CD48: variants seen among roughly 807,000 people sequenced by gnomAD.
CD48 encodes CD48 molecule.
In CD48, 20 loss-of-function variants were observed where a neutral mutation model predicts 22.0. The ratio of observed to expected loss-of-function variants is 0.91; its 90% CI spans 0.64 to 1.32. The LOEUF is 1.32. CD48 is among the 40% of genes most tolerant of loss of function. The pLI is 0.00. For missense variants in CD48, 307 were observed against 286.5 expected (o/e 1.07, Z -0.52); for synonymous variants, 110 against 110.1 (o/e 1.00, Z 0.01).
intron 1 of CD48, among the ~76,000 whole-genome samples, chr1:160,701,785 C>T (rs367632405): frequency 6.6e-6 from 1 of 152,146 alleles, no homozygotes; most frequent in African/African-American, 2.4e-5. Flanking sequence ...GCCTTTCCAA[C>T]ACCTACTAGT....
intron 1 of CD48, among the ~76,000 whole-genome samples, chr1:160,689,196 C>T (rs1174271856): frequency 2.0e-5 from 3 of 152,066 alleles, no homozygotes; most frequent in African/African-American, 4.8e-5. Flanking sequence ...GGTGCATGTC[C>T]GAGGCACAGA....
intron 1 of CD48, among the ~76,000 whole-genome samples, chr1:160,700,523 G>A (rs1403476622): frequency 6.6e-6 from 1 of 152,114 alleles, no homozygotes; most frequent in Non-Finnish European, 1.5e-5. Context: ...AGTCCAGTAG[G>A]GGAGTGTAAT....
At chr1:160,700,444 A>G (rs1165429944) in intron 1 of CD48, among the ~76,000 whole-genome samples, 3 of 152,170 alleles carry the variant, frequency 2.0e-5, no homozygotes, top group Non-Finnish European at 2.9e-5. Context: ...GTCTAGATAA[A>G]CAGACAAAGT....
At chr1:160,697,867 T>C (rs558648) in intron 1 of CD48, among the ~76,000 whole-genome samples, 110,781 of 145,316 alleles carry the variant, frequency 0.76, 42,196 homozygotes, top group Admixed American at 0.83. Flanking sequence ...GTCCAGCTGT[T>C]GATAGCGACT....
chr1:160,681,035 G>GTGGTGGTAGAGC, intron 3 of CD48, 167 bp downstream of exon 3: 1 of 1,481,850 alleles, frequency 6.7e-7, no homozygotes, highest in Non-Finnish European at 9.0e-7. Context: ...TGGCTGGGAG[G>GTGGTGGTAGAGC]TGGTGGTAGA....
At chr1:160,701,089 A>T (rs1662614294) in intron 1 of CD48, among the ~76,000 whole-genome samples, 1 of 152,016 alleles carries the variant, frequency 6.6e-6, no homozygotes, top group South Asian at 2.1e-4. Flanking sequence ...AGTACTTTCC[A>T]TTGATAATGA....
chr1:160,709,758 GT>G (rs1245485632), intron 1 of CD48, among the ~76,000 whole-genome samples: 2 of 152,186 alleles, frequency 1.3e-5, no homozygotes, highest in Non-Finnish European at 2.9e-5. Flanking sequence ...CCAAAAGGAA[GT>G]TTTTTGAAGT....
intron 1 of CD48, among the ~76,000 whole-genome samples, chr1:160,692,465 T>A (rs923568230): frequency 1.7e-4 from 26 of 152,106 alleles, no homozygotes; most frequent in African/African-American, 5.8e-4. Context: ...ACCGTAACAT[T>A]ACAACCTCAA....
chr1:160,690,553 C>T (rs1007728132), intron 1 of CD48, among the ~76,000 whole-genome samples: 6 of 152,144 alleles, frequency 3.9e-5, no homozygotes, highest in East Asian at 1.9e-4. Flanking sequence ...AACTCCTGAG[C>T]TTCTTGGGTC....
chr1:160,705,992 G>C (rs116115305), intron 1 of CD48, among the ~76,000 whole-genome samples: 5,318 of 152,202 alleles, frequency 0.035, 127 homozygotes, highest in African/African-American at 0.07. Flanking sequence ...GACTCCCCAG[G>C]ATGTCTCAGA....
chr1:160,710,600 C>T (rs1206249186), intron 1 of CD48, among the ~76,000 whole-genome samples: 1 of 152,284 alleles, frequency 6.6e-6, no homozygotes, highest in East Asian at 1.9e-4. Context: ...TTCTCATTGG[C>T]AACCCTGCTT....
intron 1 of CD48, among the ~76,000 whole-genome samples, chr1:160,705,336 C>T (rs1662756440): frequency 6.6e-6 from 1 of 152,182 alleles, no homozygotes; most frequent in African/African-American, 2.4e-5. Context: ...TAAGTTCAAC[C>T]CTCATACATG....
At chr1:160,684,673 A>G (rs1016421201) in intron 2 of CD48, 2 of 1,410,602 alleles carry the variant, frequency 1.4e-6, no homozygotes, top group African/African-American at 2.9e-5. Context: ...CTAACTTCAG[A>G]AGAGGTGTTA....
intron 1 of CD48, among the ~76,000 whole-genome samples, chr1:160,691,542 C>T (rs1050726678): frequency 1.3e-5 from 2 of 152,216 alleles, no homozygotes; most frequent in Non-Finnish European, 2.9e-5. Context: ...GTGACCCTGA[C>T]ACATCTCCCT....
At chr1:160,704,450 C>T (rs1482504642) in intron 1 of CD48, among the ~76,000 whole-genome samples, 1 of 152,176 alleles carries the variant, frequency 6.6e-6, no homozygotes, top group Non-Finnish European at 1.5e-5. Context: ...TCCCGCTACC[C>T]ACTTCAGTGA....
chr1:160,703,289 A>T (rs1662689991), intron 1 of CD48, among the ~76,000 whole-genome samples: 1 of 152,240 alleles, frequency 6.6e-6, no homozygotes, highest in South Asian at 2.1e-4. Flanking sequence ...TGACTTCAGT[A>T]CGAAAAGTTT....
intron 1 of CD48, among the ~76,000 whole-genome samples, chr1:160,706,696 T>A (rs1309869319): frequency 6.6e-6 from 1 of 152,208 alleles, no homozygotes; most frequent in African/African-American, 2.4e-5. Flanking sequence ...TTTTACTTTC[T>A]TAATGAACTC....
intron 1 of CD48, among the ~76,000 whole-genome samples, chr1:160,709,008 A>G (rs1281078779): frequency 6.6e-6 from 1 of 152,188 alleles, no homozygotes; most frequent in Non-Finnish European, 1.5e-5. Flanking sequence ...AGAGCCTTGC[A>G]TGACTCTAGG....
rs574789499 is a variant in CD48 at position 160,685,677 on chromosome 1, A to G, written c.83-488T>C. Among the ~76,000 whole-genome samples the G allele has an allele frequency of 3.9e-5, 6 of 152,308 alleles. No homozygotes were observed. In the South Asian group the frequency reaches 1.2e-3, roughly 32 times the overall value. ...GACAAACACACAAACAAATAATCCT[A>G]ATATATTATCTTGATGACTATAATA... On this transcript the variant is annotated intron_variant, in intron 1 of 3. Transcript: ENST00000368046.
Sources: gnomAD v4.1 joint callset for allele counts (sites outside exome capture counted in the v4.1 genomes callset) on GRCh38, gnomAD v4.1.1 for gene constraint, MANE v1.5 for transcripts, NCBI Gene and HGNC (gene_info 2026-07-23, HGNC 2026-07-21) for gene names.